GPC6: variants seen among roughly 807,000 people sequenced by gnomAD.
GPC6 encodes glypican-6.
A neutral mutation model predicts 55.2 loss-of-function variants in GPC6; 14 were observed. The ratio of observed to expected loss-of-function variants is 0.25; its 90% CI spans 0.17 to 0.40. The LOEUF (loss-of-function observed/expected upper bound fraction) is 0.40, where lower values mean the gene tolerates loss of function less well. Among genes scored for constraint, GPC6 ranks in the 10% least tolerant of loss-of-function variants. The pLI is 1.00. For missense variants in GPC6, 641 were observed against 708.5 expected (o/e 0.90, Z 1.08); for synonymous variants, 278 against 259.6 (o/e 1.07, Z -0.68).
chr13:94,281,786 A>G (rs1359078132), intron 4 of GPC6, among the ~76,000 whole-genome samples: 1 of 152,174 alleles, frequency 6.6e-6, no homozygotes, highest in Non-Finnish European at 1.5e-5. Context: ...CCTACTCTGA[A>G]TCTCTCTCAC....
At chr13:94,087,737 T>A (rs184848776) in intron 4 of GPC6, among the ~76,000 whole-genome samples, 1 of 152,344 alleles carries the variant, frequency 6.6e-6, no homozygotes, top group African/African-American at 2.4e-5. Flanking sequence ...GAAAAGTGAA[T>A]GAATGAGACA....
chr13:94,373,195 T>C (rs369548847), intron 6 of GPC6, among the ~76,000 whole-genome samples: 7 of 151,866 alleles, frequency 4.6e-5, no homozygotes, highest in South Asian at 2.1e-4. Flanking sequence ...TCACCAGCAA[T>C]GGAACAAAGC....
At chr13:93,895,694 C>T (rs927072634) in intron 3 of GPC6, among the ~76,000 whole-genome samples, 2 of 151,944 alleles carry the variant, frequency 1.3e-5, no homozygotes. Flanking sequence ...ACATGACATG[C>T]CACTTAATGT....
At chr13:93,480,356 T>C (rs1425084071) in intron 1 of GPC6, among the ~76,000 whole-genome samples, 7 of 152,166 alleles carry the variant, frequency 4.6e-5, no homozygotes, top group African/African-American at 1.7e-4. Context: ...TTCAAACGGT[T>C]GAAATGGATG....
intron 1 of GPC6, among the ~76,000 whole-genome samples, chr13:93,376,648 A>G (rs1874914679): frequency 6.6e-6 from 1 of 152,194 alleles, no homozygotes; most frequent in African/African-American, 2.4e-5. Flanking sequence ...GACATCTTTA[A>G]TTGCAGACCT....
At chr13:93,706,226 A>G (rs889335820) in intron 2 of GPC6, among the ~76,000 whole-genome samples, 3 of 151,924 alleles carry the variant, frequency 2.0e-5, no homozygotes, top group African/African-American at 7.2e-5. Context: ...AAATGCAATT[A>G]TTAGACAACT....
chr13:93,552,070 T>C (rs1053687571), intron 2 of GPC6, among the ~76,000 whole-genome samples: 1 of 152,180 alleles, frequency 6.6e-6, no homozygotes, highest in Non-Finnish European at 1.5e-5. Context: ...TTAATCATTC[T>C]AGGAAGTAAT....
At chr13:94,047,115 A>C (rs1016830864) in intron 4 of GPC6, among the ~76,000 whole-genome samples, 1 of 152,154 alleles carries the variant, frequency 6.6e-6, no homozygotes, top group African/African-American at 2.4e-5. Context: ...TCAGTGTACC[A>C]AACAGGTCCC....
chr13:93,973,066 T>G (rs1880358100), intron 3 of GPC6, among the ~76,000 whole-genome samples: 1 of 152,140 alleles, frequency 6.6e-6, no homozygotes, highest in Admixed American at 6.6e-5. Flanking sequence ...CCTTGCTTAA[T>G]GACAGGGATA....
intron 2 of GPC6, among the ~76,000 whole-genome samples, chr13:93,568,040 A>C (rs1259057173): frequency 6.6e-6 from 1 of 152,204 alleles, no homozygotes; most frequent in African/African-American, 2.4e-5. Flanking sequence ...GGTATGGTTT[A>C]GTTCATCAGC....
intron 1 of GPC6, among the ~76,000 whole-genome samples, chr13:93,424,878 G>A (rs12584941): frequency 0.24 from 36,734 of 151,938 alleles, 4,405 homozygotes; most frequent in Middle Eastern, 0.29. Context: ...AAGTTACTGG[G>A]AATATTAGGC....
intron 6 of GPC6, among the ~76,000 whole-genome samples, chr13:94,307,633 G>A (rs900965621): frequency 6.6e-6 from 1 of 152,112 alleles, no homozygotes; most frequent in Non-Finnish European, 1.5e-5. Context: ...ATTCTCTATT[G>A]CAGTTTCAGG....
intron 3 of GPC6, among the ~76,000 whole-genome samples, chr13:93,841,165 G>A (rs1887940209): frequency 6.6e-6 from 1 of 152,150 alleles, no homozygotes; most frequent in South Asian, 2.1e-4. Context: ...ACATTCCCTG[G>A]TGCAATATCA....
At chr13:93,818,508 T>G (rs1394324666) in intron 2 of GPC6, 2 of 152,210 alleles carry the variant, frequency 1.3e-5, no homozygotes, top group Non-Finnish European at 2.9e-5. Context: ...TGGTCATTAA[T>G]TAGCTGGAGG....
intron 2 of GPC6, among the ~76,000 whole-genome samples, chr13:93,748,961 G>T (rs9524189): frequency 0.64 from 97,357 of 151,756 alleles, 31,629 homozygotes; most frequent in East Asian, 0.77. Flanking sequence ...AATACTGTTC[G>T]TCATTTGTAT....
At chr13:93,853,496 C>G (rs1232797773) in intron 3 of GPC6, among the ~76,000 whole-genome samples, 4 of 151,532 alleles carry the variant, frequency 2.6e-5, no homozygotes, top group Non-Finnish European at 5.9e-5. Context: ...ATAAATTGTT[C>G]TAATAGACCG....
At chr13:93,580,316 C>T (rs1198452962) in intron 2 of GPC6, among the ~76,000 whole-genome samples, 4 of 152,110 alleles carry the variant, frequency 2.6e-5, no homozygotes, top group African/African-American at 9.7e-5. Context: ...AATACCATGA[C>T]ATTGAAGGTT....
chr13:94,379,673 G>A (rs1880070105), intron 6 of GPC6, among the ~76,000 whole-genome samples: 1 of 152,250 alleles, frequency 6.6e-6, no homozygotes, highest in Non-Finnish European at 1.5e-5. Flanking sequence ...TGTACTGTGT[G>A]CTTAGACCTG....
intron 2 of GPC6, among the ~76,000 whole-genome samples, chr13:93,817,955 CTA>C (rs1218319541): frequency 1.3e-4 from 19 of 145,808 alleles, no homozygotes; most frequent in South Asian, 4.3e-4. Context: ...TTAGTTATAC[CTA>C]TATATATAAT....
Sources: allele counts gnomAD v4.1 joint callset (sites outside exome capture counted in the v4.1 genomes callset), GRCh38; gene constraint gnomAD v4.1.1; transcripts MANE v1.5; gene names NCBI Gene and HGNC (gene_info 2026-07-23, HGNC 2026-07-21).